Variants in ADGRA3 observed in about 807,000 individuals in gnomAD.
The protein encoded by ADGRA3 is G-protein coupled receptor 125.
In ADGRA3, 56 loss-of-function variants were observed where a neutral mutation model predicts 119.8. The ratio of observed to expected loss-of-function variants is 0.47; its 90% confidence interval spans 0.38 to 0.58. ADGRA3 has a LOEUF of 0.58. ADGRA3 is among the 20% of genes least tolerant of loss of function. ADGRA3 has a pLI of 0.00. For missense variants in ADGRA3, 1,516 were observed against 1,649.0 expected (o/e 0.92, Z 1.40); for synonymous variants, 607 against 623.8 (o/e 0.97, Z 0.40).
At chr4:22,453,200 CA>C (rs530504605) in intron 4 of ADGRA3, among the ~76,000 whole-genome samples, 8 of 21,736 alleles carry the variant, frequency 3.7e-4, no homozygotes, top group South Asian at 1.7e-3. Context: ...GACTCCATCT[CA>C]AAAAAAAAAA....
chr4:22,485,528 G>T (rs1002322289), intron 1 of ADGRA3, among the ~76,000 whole-genome samples: 3 of 152,062 alleles, frequency 2.0e-5, no homozygotes. Context: ...GGTTCCATGG[G>T]ACTGGTTTGG....
Position 22,461,783 on chromosome 4 carries a change from T to C in ADGRA3, c.355A>G (p.Ser119Gly). The change falls in exon 3 of 19, where the codon AGT becomes GGT. Residue 119 changes from serine to glycine, a missense_variant. By Grantham distance (56) the Ser-to-Gly change is moderately conservative. Transcript: ENST00000334304. ...CCCCAGAAGGCACCTGGATCTATAC[T>C]ACTAATAAGATTGTTTCGGAGGTCC... ...RLDLRNNLISSIDPGAFWGLS... is the reference protein window; with the variant it reads ...RLDLRNNLISGIDPGAFWGLS... 1 of 1,607,714 alleles carries C rather than the reference T, an allele frequency of 6.2e-7. No homozygotes were observed. The highest frequency in any genetic ancestry group is 8.5e-7 in the Non-Finnish European group (1 of 1,175,840).
intron 1 of ADGRA3, chr4:22,478,217 T>C (rs1321833392): frequency 6.6e-6 from 1 of 152,196 alleles, no homozygotes; most frequent in African/African-American, 2.4e-5. Context: ...AAGTTTTAGT[T>C]TGGTACATCG....
At chr4:22,427,644 T>C (rs1018140979) in intron 10 of ADGRA3, among the ~76,000 whole-genome samples, 1 of 152,164 alleles carries the variant, frequency 6.6e-6, no homozygotes, top group African/African-American at 2.4e-5. Context: ...TTCTGTAGCT[T>C]GGTTACAGAA....
intron 2 of ADGRA3, among the ~76,000 whole-genome samples, chr4:22,471,023 AC>A (rs1284025493): frequency 6.6e-6 from 1 of 152,148 alleles, no homozygotes; most frequent in African/African-American, 2.4e-5. Context: ...CCACCCCAGT[AC>A]CGGAGCCAAG....
intron 4 of ADGRA3, among the ~76,000 whole-genome samples, chr4:22,453,682 C>T (rs532602031): frequency 9.2e-5 from 14 of 152,152 alleles, no homozygotes; most frequent in Non-Finnish European, 2.1e-4. Context: ...GACTACTTGT[C>T]TCTAAAACAT....
intron 4 of ADGRA3, among the ~76,000 whole-genome samples, chr4:22,448,373 G>A (rs1296767456): frequency 6.6e-6 from 1 of 152,086 alleles, no homozygotes; most frequent in Non-Finnish European, 1.5e-5. Flanking sequence ...TGGAAAAATC[G>A]CATATGCTCA....
chr4:22,466,922 G>GGCTA (rs1253031539), intron 2 of ADGRA3, among the ~76,000 whole-genome samples: 4 of 152,130 alleles, frequency 2.6e-5, no homozygotes, highest in African/African-American at 9.7e-5. Context: ...AATACACCAA[G>GGCTA]GCTAGGAGAC....
intron 16 of ADGRA3, 128 bp from the exon 17 acceptor site, chr4:22,392,818 T>C: frequency 1.3e-6 from 1 of 750,738 alleles, no homozygotes. Context: ...TAATCAACTC[T>C]GTTGCCTGCT....
chr4:22,457,073 C>T (rs1264878770), intron 3 of ADGRA3, among the ~76,000 whole-genome samples: 1 of 152,158 alleles, frequency 6.6e-6, no homozygotes, highest in Non-Finnish European at 1.5e-5. Context: ...GTGGTGCAAT[C>T]ACCATTGATT....
chr4:22,415,021 G>A (rs767576012), intron 12 of ADGRA3, among the ~76,000 whole-genome samples: 2 of 151,362 alleles, frequency 1.3e-5, no homozygotes, highest in Non-Finnish European at 3.0e-5. Flanking sequence ...CAGATTAGCT[G>A]CTTCCTCTTC....
chr4:22,458,128 A>C, intron 3 of ADGRA3, among the ~76,000 whole-genome samples: 1 of 152,206 alleles, frequency 6.6e-6, no homozygotes, highest in South Asian at 2.1e-4. Flanking sequence ...GGATGGTTGA[A>C]ATAAAAATCA....
chr4:22,438,479 T>C (rs1326012880), intron 7 of ADGRA3, 59 bp from the exon 8 acceptor site: 4 of 1,341,132 alleles, frequency 3.0e-6, no homozygotes, highest in African/African-American at 1.5e-5. Context: ...AAGGAGACAA[T>C]AATGGGTCTC....
At chr4:22,500,683 A>G (rs142364271) in intron 1 of ADGRA3, among the ~76,000 whole-genome samples, 2 of 152,338 alleles carry the variant, frequency 1.3e-5, no homozygotes, top group East Asian at 3.9e-4. Flanking sequence ...GATGGTTAAC[A>G]TTACTTGTGA....
intron 1 of ADGRA3, among the ~76,000 whole-genome samples, chr4:22,497,447 G>A (rs997595395): frequency 8.5e-5 from 13 of 152,130 alleles, no homozygotes; most frequent in African/African-American, 2.4e-4. Context: ...TACTCACGGA[G>A]TTGGGGTTTA....
intron 2 of ADGRA3, among the ~76,000 whole-genome samples, chr4:22,470,141 A>C (rs952045054): frequency 6.6e-6 from 1 of 152,180 alleles, no homozygotes; most frequent in Non-Finnish European, 1.5e-5. Flanking sequence ...CCATCTTTTT[A>C]CGATTTTAAT....
intron 8 of ADGRA3, among the ~76,000 whole-genome samples, chr4:22,437,610 TA>T (rs2109064192): frequency 6.6e-6 from 1 of 152,316 alleles, no homozygotes; most frequent in Admixed American, 6.5e-5. Context: ...GAGTTTAAGG[TA>T]AAAGCTGTCA....
intron 7 of ADGRA3, among the ~76,000 whole-genome samples, chr4:22,439,544 C>T (rs1360242456): frequency 1.3e-5 from 2 of 152,014 alleles, no homozygotes; most frequent in Non-Finnish European, 2.9e-5. Context: ...CACATTTGTC[C>T]GATCTCCTAA....
chr4:22,461,156 T>A (rs1560329016), intron 3 of ADGRA3, among the ~76,000 whole-genome samples: 1 of 152,250 alleles, frequency 6.6e-6, no homozygotes, highest in African/African-American at 2.4e-5. Context: ...GGATTCATAA[T>A]TTGAAAATCG....
Sources: gnomAD v4.1 joint callset for allele counts (sites outside exome capture counted in the v4.1 genomes callset) on GRCh38, gnomAD v4.1.1 for gene constraint, MANE v1.5 for transcripts, NCBI Gene and HGNC (gene_info 2026-07-23, HGNC 2026-07-21) for gene names.